HS3ST2: variants seen among roughly 807,000 people sequenced by gnomAD.
The protein encoded by HS3ST2 is heparan sulfate-glucosamine 3-sulfotransferase 2.
Under a neutral mutation model 26.3 loss-of-function variants are expected in HS3ST2, and 17 were observed. That is an observed-to-expected ratio of 0.65 (90% CI 0.44 to 0.97). The LOEUF is 0.97. HS3ST2 is among the 50% of genes least tolerant of loss of function. The pLI, the probability that HS3ST2 is intolerant of heterozygous loss-of-function variation, is 0.00. For missense variants in HS3ST2, 402 were observed against 501.2 expected, an observed-to-expected ratio of 0.80 and a Z score of 1.89; for synonymous variants, 237 against 219.2, an observed-to-expected ratio of 1.08 and a Z score of -0.72.
At chr16:22,883,534 A>G (rs1356707739) in intron 1 of HS3ST2, among the ~76,000 whole-genome samples, 1 of 152,254 alleles carries the variant, frequency 6.6e-6, no homozygotes, top group Non-Finnish European at 1.5e-5. Context: ...TCCAAAAAAT[A>G]AAGTGAGCTC....
At position 22,814,929 on chromosome 16, in the gene HS3ST2, CCCAAGCTGGGTA is replaced by C; in HGVS notation, c.326_337del (p.Leu109_Lys112del). The stretch of plus-strand genomic sequence containing the variant: ...CTCCGGTTCCAACCACTCCGGCTCA[CCCAAGCTGGGTA>C]CCAAGCGGTTGCCCCAAGCCCTCAT... On this transcript the variant is annotated inframe_deletion, in exon 1 of 2. Coordinates refer to ENST00000261374, the MANE Select transcript of HS3ST2 (RefSeq NM_006043.2). 4 of 1,605,506 alleles carry C rather than the reference CCCAAGCTGGGTA, an allele frequency of 2.5e-6. No individual in the cohort carries two copies. The highest frequency in any genetic ancestry group is 3.4e-6 in the Non-Finnish European group (4 of 1,176,664).
At chr16:22,876,628 G>A (rs535944703) in intron 1 of HS3ST2, among the ~76,000 whole-genome samples, 1 of 152,142 alleles carries the variant, frequency 6.6e-6, no homozygotes, top group East Asian at 1.9e-4. Context: ...CCCACTCCTG[G>A]GTATCTACCC....
rs564244511 is a variant in HS3ST2 at position 22,829,394 on chromosome 16, A to T, written c.485+14299A>T. 3.3e-5 allele frequency among the ~76,000 whole-genome samples: 5 copies of T among 152,278 alleles called. No homozygotes were observed. In the East Asian group the frequency reaches 9.7e-4, roughly 29 times the overall value. ...TTGGTCCCATTTAGGTAGGGTATTG[A>T]TTGTCCCATTTAGAGAGGACAATCA... On this transcript the variant is annotated intron_variant, in intron 1 of 1. Transcript: ENST00000261374.
intron 1 of HS3ST2, among the ~76,000 whole-genome samples, chr16:22,873,096 A>G (rs1374858559): frequency 6.6e-6 from 1 of 152,346 alleles, no homozygotes; most frequent in East Asian, 1.9e-4. Flanking sequence ...TATTCACATA[A>G]AGCATCTAGA....
intron 1 of HS3ST2, among the ~76,000 whole-genome samples, chr16:22,855,053 A>G (rs896702257): frequency 1.3e-5 from 2 of 152,188 alleles, no homozygotes; most frequent in African/African-American, 2.4e-5. Flanking sequence ...GCACTGAAAA[A>G]GAAATTTATG....
At chr16:22,847,863 A>T (rs1248565486) in intron 1 of HS3ST2, among the ~76,000 whole-genome samples, 2 of 151,188 alleles carry the variant, frequency 1.3e-5, no homozygotes, top group South Asian at 2.1e-4. Context: ...AAGGAGAAAA[A>T]GAAAAAAAAA....
At chr16:22,851,589 T>G (rs564059137) in intron 1 of HS3ST2, among the ~76,000 whole-genome samples, 7 of 152,302 alleles carry the variant, frequency 4.6e-5, no homozygotes, top group African/African-American at 1.7e-4. Context: ...AAGGAGAGAA[T>G]CTCAGATATA....
At chr16:22,868,328 G>T (rs1901784829) in intron 1 of HS3ST2, among the ~76,000 whole-genome samples, 1 of 143,214 alleles carries the variant, frequency 7.0e-6, no homozygotes, top group Non-Finnish European at 1.5e-5. Flanking sequence ...AGAATTGCTT[G>T]AACCCGGGAA....
chr16:22,893,610 T>A (rs1902160629), intron 1 of HS3ST2, among the ~76,000 whole-genome samples: 1 of 146,118 alleles, frequency 6.8e-6, no homozygotes, highest in African/African-American at 2.5e-5. Context: ...ATTTGGCAGC[T>A]TTTCTTTTTT....
intron 1 of HS3ST2, among the ~76,000 whole-genome samples, chr16:22,850,831 C>A (rs576397840): frequency 6.6e-6 from 1 of 152,060 alleles, no homozygotes; most frequent in South Asian, 2.1e-4. Flanking sequence ...AACACAACAA[C>A]AACAAAAAAA....
intron 1 of HS3ST2, among the ~76,000 whole-genome samples, chr16:22,829,968 A>C (rs1454966999): frequency 1.3e-5 from 2 of 152,182 alleles, no homozygotes. Flanking sequence ...CTGGGGTCTT[A>C]ATAATTGGGC....
At chr16:22,873,518 G>T (rs887174090) in intron 1 of HS3ST2, among the ~76,000 whole-genome samples, 1 of 152,170 alleles carries the variant, frequency 6.6e-6, no homozygotes. Flanking sequence ...TGGTTTCAGT[G>T]CAGGAATTTT....
intron 1 of HS3ST2, among the ~76,000 whole-genome samples, chr16:22,884,404 G>GGCAGAAGGAAAA (rs1447134676): frequency 6.6e-6 from 1 of 152,078 alleles, no homozygotes; most frequent in Non-Finnish European, 1.5e-5. Context: ...CTCCTGCCGA[G>GGCAGAAGGAAAA]GTAGAAGGAA....
At chr16:22,862,667 C>A (rs537771795) in intron 1 of HS3ST2, among the ~76,000 whole-genome samples, 15 of 152,260 alleles carry the variant, frequency 9.9e-5, no homozygotes, top group African/African-American at 3.4e-4. Context: ...GGTTGCCAGT[C>A]CGGGACATGT....
chr16:22,843,608 GT>G (rs1194193768), intron 1 of HS3ST2, among the ~76,000 whole-genome samples: 1 of 152,180 alleles, frequency 6.6e-6, no homozygotes, highest in Non-Finnish European at 1.5e-5. Flanking sequence ...TATACACAGG[GT>G]GAGGTCTGGA....
At chr16:22,816,687 G>A (rs992543790) in intron 1 of HS3ST2, among the ~76,000 whole-genome samples, 7 of 152,188 alleles carry the variant, frequency 4.6e-5, no homozygotes, top group African/African-American at 7.2e-5. Context: ...TGGGCATCCC[G>A]TCTAGGTGCA....
intron 1 of HS3ST2, among the ~76,000 whole-genome samples, chr16:22,840,350 G>C (rs911105522): frequency 1.3e-5 from 2 of 151,886 alleles, no homozygotes; most frequent in Middle Eastern, 3.5e-3. Context: ...AGAAACCTTT[G>C]CAATTTACCA....
chr16:22,866,373 T>TGC (rs1392438301), intron 1 of HS3ST2, among the ~76,000 whole-genome samples: 4 of 97,344 alleles, frequency 4.1e-5, no homozygotes, highest in East Asian at 2.9e-4. Context: ...GGTGTGCGTG[T>TGC]GTGTGTGTGT....
Position 22,814,990 on chromosome 16 carries a change from C to T in HS3ST2, c.380C>T (p.Thr127Ile). ...ALIVGVKKGG[T>I]RAVLEFIRVH... The stretch of plus-strand genomic sequence containing the variant: ...ATTGTGGGCGTGAAGAAGGGGGGCA[C>T]CCGGGCCGTGCTGGAGTTTATCCGA... Residue 127 changes from threonine to isoleucine, a missense_variant, in exon 1 of 2, where the codon ACC becomes ATC. Thr to Ile is a moderately conservative substitution (Grantham distance 89). This residue lies in a region of HS3ST2 where 237 missense variants were observed against 346.6 expected (regional missense o/e 0.68). Coordinates refer to ENST00000261374, the MANE Select transcript of HS3ST2 (RefSeq NM_006043.2). The T allele has an allele frequency of 6.2e-7, 1 of 1,613,002 alleles. No homozygotes were observed. The highest frequency in any genetic ancestry group is 8.5e-7 in the Non-Finnish European group (1 of 1,179,956).
Sources: gnomAD v4.1 joint callset for allele counts (sites outside exome capture counted in the v4.1 genomes callset) on GRCh38, gnomAD v4.1.1 for gene constraint, gnomAD v4.1.1 regional missense constraint, MANE v1.5 for transcripts, NCBI Gene and HGNC (gene_info 2026-07-23, HGNC 2026-07-21) for gene names.